Variants in CD163L1 observed in about 807,000 individuals in gnomAD.
The protein encoded by CD163L1 is CD163 molecule like 1, also known as scavenger receptor cysteine-rich type 1 protein M160.
A neutral mutation model predicts 165.4 loss-of-function variants in CD163L1; 124 were observed. That is an observed-to-expected ratio of 0.75 (90% CI 0.65 to 0.87). The LOEUF (loss-of-function observed/expected upper bound fraction) is 0.87. CD163L1 is among the 40% of genes least tolerant of loss of function. CD163L1 has a pLI of 0.00. For missense variants in CD163L1, 1,525 were observed against 1,799.9 expected (o/e 0.85, Z 2.76); for synonymous variants, 585 against 662.2 (o/e 0.88, Z 1.79).
Position 7,396,100 on chromosome 12 carries a change from C to G in CD163L1, c.2045G>C (p.Cys682Ser). The G allele has an allele frequency of 6.2e-7, 1 of 1,610,852 alleles. No homozygotes were observed. Among genetic ancestry groups the G allele is most frequent in the Non-Finnish European group, 8.5e-7 (1 of 1,178,242 alleles). The change falls in exon 8 of 20, where the codon TGT becomes TCT. Residue 682 changes from cysteine to serine, a missense_variant. Physicochemically the swap from Cys to Ser is moderately radical, Grantham distance 112. Coordinates refer to ENST00000313599, the MANE Select transcript of CD163L1 (RefSeq NM_174941.6). ...CCCTGGTTTGGGTATCTTACCAGAA[C>G]AGATCACTCCAACATCTTCACTGTG... ...CSHSEDVGVI[C>S]SDASDMELRL...
At chr12:7,436,066 G>A (rs1268857119) in intron 2 of CD163L1, among the ~76,000 whole-genome samples, 2 of 152,096 alleles carry the variant, frequency 1.3e-5, no homozygotes. Flanking sequence ...GTAAGGTAGT[G>A]AGAAATGCAC....
chr12:7,358,139 C>G (rs984220035), intron 18 of CD163L1, among the ~76,000 whole-genome samples: 2 of 152,094 alleles, frequency 1.3e-5, no homozygotes, highest in African/African-American at 2.4e-5. Flanking sequence ...GAGAGACAGA[C>G]AGGCAGAGAC....
chr12:7,379,604 G>A (rs1947343719), intron 8 of CD163L1, among the ~76,000 whole-genome samples: 1 of 152,140 alleles, frequency 6.6e-6, no homozygotes, highest in African/African-American at 2.4e-5. Flanking sequence ...ATAAAAAATA[G>A]TGTTACTTAA....
chr12:7,319,525 G>T, the CD163L1 span, among the ~76,000 whole-genome samples: 9 of 149,960 alleles, frequency 6.0e-5, no homozygotes, highest in East Asian at 1.2e-3. Context: ...GGGAGGCAGA[G>T]GTTGCAGTGA....
rs1046950444 is a variant in CD163L1, at chr12:7,374,089, C to A, written c.3409+353G>T. Among the ~76,000 whole-genome samples, 1 of 152,104 alleles carries A rather than the reference C, an allele frequency of 6.6e-6. No homozygotes were observed. Among genetic ancestry groups the A allele is most frequent in the Admixed American group, 6.5e-5 (1 of 15,274 alleles). On this transcript the variant is annotated intron_variant, in intron 13 of 19. Transcript: ENST00000313599. This position sits in a 1 kb window ranked among gnomAD's most constrained non-coding sequence, Gnocchi z 5.4. ...AACTAATAACCATGGCTTCAGGCTA[C>A]TAAAAGCCTAAAATAAAACAAAACA...
the CD163L1 span, chr12:7,324,185 G>T: frequency 6.8e-7 from 1 of 1,472,296 alleles, no homozygotes; most frequent in East Asian, 2.4e-5. Context: ...ATATAAGTAG[G>T]ATGTGTAATG....
the CD163L1 span, among the ~76,000 whole-genome samples, chr12:7,332,548 C>T: frequency 6.6e-6 from 1 of 152,136 alleles, no homozygotes; most frequent in Non-Finnish European, 1.5e-5. Context: ...GTCAGGTTAC[C>T]CACAAAGGGA....
intron 8 of CD163L1, among the ~76,000 whole-genome samples, chr12:7,392,906 G>T (rs1294136847): frequency 6.6e-6 from 1 of 152,048 alleles, no homozygotes; most frequent in African/African-American, 2.4e-5. Flanking sequence ...CCAATAACTG[G>T]CTCTGAAATT....
chr12:7,327,003 G>A, the CD163L1 span: 1 of 1,611,758 alleles, frequency 6.2e-7, no homozygotes, highest in South Asian at 1.1e-5. Flanking sequence ...TGTCTTAGCT[G>A]CACCCTTTAA....
chr12:7,421,505 A>G lies in CD163L1; in HGVS notation c.766+10911T>C, dbSNP rs1264393289. ...TGTACATATATACATATATGTACAT[A>G]TACATATACATATATGTACATATAT... On this transcript the variant is annotated intron_variant, in intron 4 of 19. Transcript: ENST00000313599. 5.6e-5 allele frequency among the ~76,000 whole-genome samples: 5 copies of G among 89,276 alleles called. 1 individual carries two copies. The highest frequency in any genetic ancestry group is 2.3e-4 in the African/African-American group (4 of 17,052). 58.6% of individuals were successfully genotyped at this position (89,276 alleles called of 152,430 possible).
intron 4 of CD163L1, among the ~76,000 whole-genome samples, chr12:7,417,327 G>A (rs901560150): frequency 1.4e-4 from 21 of 152,182 alleles, no homozygotes; most frequent in South Asian, 8.3e-4. Flanking sequence ...CTGAGATGAT[G>A]GGGTTTTCTA....
intron 6 of CD163L1, among the ~76,000 whole-genome samples, chr12:7,401,217 A>G (rs1376604739): frequency 2.0e-5 from 3 of 152,182 alleles, no homozygotes; most frequent in African/African-American, 7.2e-5. Flanking sequence ...GGATTCCATG[A>G]AGATTCCATG....
At chr12:7,334,117 G>A in the CD163L1 span, among the ~76,000 whole-genome samples, 1 of 150,026 alleles carries the variant, frequency 6.7e-6, no homozygotes, top group African/African-American at 2.5e-5. Context: ...AGAAAAAGAG[G>A]GAATCCTCCC....
intron 8 of CD163L1, among the ~76,000 whole-genome samples, chr12:7,379,626 C>G (rs1297868439): frequency 6.6e-6 from 1 of 152,106 alleles, no homozygotes; most frequent in Non-Finnish European, 1.5e-5. Context: ...GGCCCTAATT[C>G]TTGCCTGAAT....
the CD163L1 span, among the ~76,000 whole-genome samples, chr12:7,339,203 T>C: frequency 6.6e-6 from 1 of 152,144 alleles, no homozygotes; most frequent in African/African-American, 2.4e-5. Flanking sequence ...ATTTAAATAC[T>C]TGGAGGACAC....
chr12:7,421,780 T>C (rs1948445275), intron 4 of CD163L1, among the ~76,000 whole-genome samples: 1 of 149,784 alleles, frequency 6.7e-6, no homozygotes, highest in Non-Finnish European at 1.5e-5. Flanking sequence ...TTTTTTCTTC[T>C]AAGTGAAGTA....
At chr12:7,327,051 G>C in the CD163L1 span, 3 of 1,611,656 alleles carry the variant, frequency 1.9e-6, no homozygotes, top group Non-Finnish European at 2.5e-6. Context: ...TGAACTTCAG[G>C]ATCATGTGAA....
At chr12:7,425,598 T>C (rs909922638) in intron 4 of CD163L1, among the ~76,000 whole-genome samples, 1 of 152,090 alleles carries the variant, frequency 6.6e-6, no homozygotes, top group Non-Finnish European at 1.5e-5. Context: ...AAAGGGCTAA[T>C]ATCCAGAATC....
intron 5 of CD163L1, among the ~76,000 whole-genome samples, chr12:7,406,048 G>A (rs1948008474): frequency 6.6e-6 from 1 of 152,140 alleles, no homozygotes; most frequent in Non-Finnish European, 1.5e-5. Context: ...AAGGTACAAA[G>A]TAATTAGCAA....
Sources: allele counts gnomAD v4.1 joint callset (sites outside exome capture counted in the v4.1 genomes callset), GRCh38; gene constraint gnomAD v4.1.1; non-coding constraint Gnocchi (gnomAD v3.1); transcripts MANE v1.5; gene names NCBI Gene and HGNC (gene_info 2026-07-23, HGNC 2026-07-21).